Variants in ATG4A observed in about 807,000 individuals in gnomAD.
The protein encoded by ATG4A is cysteine protease ATG4A.
A neutral mutation model predicts 38.4 loss-of-function variants in ATG4A; 22 were observed. That is an observed-to-expected ratio of 0.57 (90% CI 0.41 to 0.82). ATG4A has a LOEUF of 0.82. Ranked by LOEUF, ATG4A falls within the 40% of genes least tolerant of loss-of-function variation. The probability of loss-of-function intolerance (pLI) is 0.00; values close to 1 mark genes in which losing one functional copy is unlikely to be tolerated. For synonymous variants in ATG4A, 86 were observed against 100.7 expected, an observed-to-expected ratio of 0.85 and a Z score of 0.88; for missense variants, 220 against 290.0, an observed-to-expected ratio of 0.76 and a Z score of 1.75.
chrX:108,141,042 A>G (rs1229810292), intron 9 of ATG4A, among the ~76,000 whole-genome samples: 4 of 74,022 alleles, frequency 5.4e-5, no homozygotes, highest in African/African-American at 1.0e-4. Context: ...ATATATACAT[A>G]TATATACATA....
rs977157065 is a variant in ATG4A at position 108,143,257 on chromosome X, G to A, written c.814+5066G>A. Among the ~76,000 whole-genome samples the A allele has an allele frequency of 5.3e-5, 6 of 112,230 alleles. No individual in the cohort carries two copies. The East Asian group carries it at 1.7e-3, about 31-fold the overall frequency. Reference sequence around the variant, plus strand: ...CGTTTCTGTAGCTGGTCACGTGGTCGTAGCTAGTATTGATGACTACCTACT... The same window carrying A: ...CGTTTCTGTAGCTGGTCACGTGGTCATAGCTAGTATTGATGACTACCTACT... On this transcript the variant is annotated intron_variant, in intron 9 of 12. Transcript: ENST00000372232.
chrX:108,093,986 T>C (rs113133560), intron 1 of ATG4A, among the ~76,000 whole-genome samples: 3 of 112,030 alleles, frequency 2.7e-5, no homozygotes, highest in Non-Finnish European at 5.6e-5. Flanking sequence ...ATATATGATA[T>C]GCACATATAT....
intron 9 of ATG4A, among the ~76,000 whole-genome samples, chrX:108,139,866 G>T (rs2033192041): frequency 9.0e-6 from 1 of 111,568 alleles, no homozygotes; most frequent in African/African-American, 3.3e-5. Flanking sequence ...TTCATAGATG[G>T]CTGTTTTCTT....
chrX:108,153,012 T>G lies in ATG4A; in HGVS notation c.1051T>G (p.Leu351Val). ...ILKENLRMFE[L>V]VQKHPSHWPP... ...AAAGGAGAATTTAAGGATGTTTGAA[T>G]TAGTTCAGAAACATCCATCACACTG... The change falls in exon 12 of 13, where the codon TTA becomes GTA. Residue 351 changes from leucine to valine, a missense_variant. Physicochemically the swap from Leu to Val is conservative, Grantham distance 32 (BLOSUM62 1). Transcript: ENST00000372232. The G allele has an allele frequency of 8.3e-7, 1 of 1,210,364 alleles. No individual in the cohort carries two copies. The highest frequency in any genetic ancestry group is 1.1e-6 in the Non-Finnish European group (1 of 894,169).
chrX:108,139,472 G>T (rs929557139), intron 9 of ATG4A, among the ~76,000 whole-genome samples: 4 of 112,118 alleles, frequency 3.6e-5, no homozygotes, highest in Non-Finnish European at 5.6e-5. Flanking sequence ...AGGTTGGGGG[G>T]TGTGGAGCGG....
At chrX:108,103,747 C>T (rs2032088959) in intron 1 of ATG4A, among the ~76,000 whole-genome samples, 1 of 112,498 alleles carries the variant, frequency 8.9e-6, no homozygotes, top group Non-Finnish European at 1.9e-5. Context: ...ACATATAATA[C>T]TTTACTCTTT....
chrX:108,142,052 G>A (rs931707685), intron 9 of ATG4A, among the ~76,000 whole-genome samples: 1 of 111,353 alleles, frequency 9.0e-6, no homozygotes, highest in South Asian at 3.8e-4. Context: ...GGATGGAGCT[G>A]GAGGCCATTA....
chrX:108,105,012 A>T (rs2032130970), intron 1 of ATG4A, among the ~76,000 whole-genome samples: 1 of 103,107 alleles, frequency 9.7e-6, no homozygotes, highest in African/African-American at 3.6e-5. Flanking sequence ...ATCTTTATTG[A>T]TATTTGTCAT....
chrX:108,112,851 G>A (rs1302173144), intron 1 of ATG4A, among the ~76,000 whole-genome samples: 1 of 111,028 alleles, frequency 9.0e-6, no homozygotes, highest in Non-Finnish European at 1.9e-5. Flanking sequence ...AATGGTCCCC[G>A]AACATTTAGT....
upstream of ATG4A, chrX:108,091,560 C>T (rs371087223): frequency 6.2e-6 from 7 of 1,136,450 alleles, no homozygotes; most frequent in African/African-American, 1.2e-4. Flanking sequence ...GAGCAACGCC[C>T]GCCTCACGTC....
intron 3 of ATG4A, among the ~76,000 whole-genome samples, chrX:108,129,717 C>T (rs1247582400): frequency 1.1e-4 from 12 of 109,316 alleles, no homozygotes; most frequent in South Asian, 3.9e-4. Context: ...ACTACAGGCG[C>T]CCGCCAACAC....
At chrX:108,115,118 CG>C (rs2032468711) in intron 1 of ATG4A, among the ~76,000 whole-genome samples, 4 of 90,176 alleles carry the variant, frequency 4.4e-5, no homozygotes, top group African/African-American at 1.6e-4. Flanking sequence ...TGCATGTATG[CG>C]TGTGTGTGTG....
intron 1 of ATG4A, among the ~76,000 whole-genome samples, chrX:108,123,154 A>G (rs1306884634): frequency 1.8e-5 from 2 of 111,880 alleles, no homozygotes; most frequent in African/African-American, 3.3e-5. Context: ...CAGTACAATA[A>G]TTATTATTAA....
intron 1 of ATG4A, among the ~76,000 whole-genome samples, chrX:108,097,012 T>G (rs1305734771): frequency 8.9e-6 from 1 of 111,909 alleles, no homozygotes; most frequent in African/African-American, 3.3e-5. Flanking sequence ...GTTCATCTTC[T>G]AGGCTTGAAG....
chrX:108,112,143 C>T (rs1238805835), intron 1 of ATG4A, among the ~76,000 whole-genome samples: 2 of 111,803 alleles, frequency 1.8e-5, no homozygotes, highest in Non-Finnish European at 3.8e-5. Context: ...CTCTGTGTTA[C>T]AAACAATCCA....
At chrX:108,150,333 G>A (rs766041989) in intron 10 of ATG4A, 36 bp downstream of exon 10, 17 of 1,204,742 alleles carry the variant, frequency 1.4e-5, no homozygotes, top group Middle Eastern at 2.4e-4. Context: ...CAGGAGATAC[G>A]ATGTGTACAG....
intron 9 of ATG4A, among the ~76,000 whole-genome samples, chrX:108,141,072 A>G (rs1316209776): frequency 4.9e-4 from 5 of 10,239 alleles, no homozygotes; most frequent in East Asian, 0.023. Flanking sequence ...ATATATATAC[A>G]TATATATATA....
chrX:108,134,178 GT>G lies in ATG4A; in HGVS notation c.394+23del. The G allele has an allele frequency of 8.5e-7, 1 of 1,176,937 alleles. No individual in the cohort carries two copies. The highest frequency in any genetic ancestry group is 1.2e-6 in the Non-Finnish European group (1 of 867,654). The stretch of plus-strand genomic sequence containing the variant: ...AAATGGGTAAGGTCATAAATCAATA[GT>G]TTAAAGGCAGTGCCTATTCCTGTTC... On this transcript the variant is annotated intron_variant, in intron 5 of 12. Transcript: ENST00000372232.
At chrX:108,130,993 G>A (rs766542593) in intron 3 of ATG4A, among the ~76,000 whole-genome samples, 1 of 111,631 alleles carries the variant, frequency 9.0e-6, no homozygotes, top group African/African-American at 3.3e-5. Context: ...TGTATACCTA[G>A]AAGTCTTCAA....
Sources: allele counts gnomAD v4.1 joint callset (sites outside exome capture counted in the v4.1 genomes callset), GRCh38; gene constraint gnomAD v4.1.1; transcripts MANE v1.5; gene names NCBI Gene and HGNC (gene_info 2026-07-23, HGNC 2026-07-21).